The following KCNH5 variants were observed in gnomAD, a reference collection of about 807,000 sequenced individuals.
KCNH5 encodes the protein potassium voltage-gated channel subfamily H member 5.
KCNH5 carries 46 observed loss-of-function variants against 96.1 expected under a neutral mutation model. That is an observed-to-expected ratio of 0.48 (90% CI 0.38 to 0.61). The LOEUF (loss-of-function observed/expected upper bound fraction) is 0.61. KCNH5 is among the 20% of genes least tolerant of loss of function. KCNH5 has a pLI of 0.00. For missense variants in KCNH5, 907 were observed against 1,225.8 expected, an observed-to-expected ratio of 0.74 and a Z score of 3.88; for synonymous variants, 439 against 449.8, an observed-to-expected ratio of 0.98 and a Z score of 0.30.
intron 9 of KCNH5, among the ~76,000 whole-genome samples, chr14:62,798,446 C>T (rs1266861175): frequency 6.6e-6 from 1 of 152,096 alleles, no homozygotes; most frequent in African/African-American, 2.4e-5. Context: ...AATCTGTTCA[C>T]ATTAAGTAAT....
chr14:62,732,314 T>A (rs577763134), intron 10 of KCNH5, among the ~76,000 whole-genome samples: 6 of 152,266 alleles, frequency 3.9e-5, no homozygotes, highest in African/African-American at 1.4e-4. Context: ...AAATAAAATT[T>A]TCTTCCTTCT....
chr14:62,736,786 G>A (rs537812609), intron 10 of KCNH5, among the ~76,000 whole-genome samples: 2 of 152,254 alleles, frequency 1.3e-5, no homozygotes, highest in Non-Finnish European at 2.9e-5. Context: ...TTTATCTAAA[G>A]TAAACCTGTC....
At chr14:63,041,330 G>A (rs1891820605) in intron 1 of KCNH5, among the ~76,000 whole-genome samples, 1 of 152,068 alleles carries the variant, frequency 6.6e-6, no homozygotes, top group East Asian at 1.9e-4. Context: ...TTAATAGTTT[G>A]CATAAATAAT....
At chr14:62,990,138 A>T (rs1040700800) in intron 4 of KCNH5, among the ~76,000 whole-genome samples, 2 of 152,118 alleles carry the variant, frequency 1.3e-5, no homozygotes, top group Non-Finnish European at 2.9e-5. Context: ...TTTGAAAAAA[A>T]AAGGAGACAT....
At chr14:62,890,273 C>T (rs1430909271) in intron 7 of KCNH5, among the ~76,000 whole-genome samples, 1 of 152,056 alleles carries the variant, frequency 6.6e-6, no homozygotes, top group Non-Finnish European at 1.5e-5. Flanking sequence ...GCAAAAGAAA[C>T]CATCAATAGA....
At chr14:62,972,702 T>C (rs1179496295) in intron 6 of KCNH5, among the ~76,000 whole-genome samples, 1 of 151,968 alleles carries the variant, frequency 6.6e-6, no homozygotes, top group Non-Finnish European at 1.5e-5. Flanking sequence ...TATCAAGCCT[T>C]GAAAAAACAC....
At chr14:62,734,173 C>G (rs553624029) in intron 10 of KCNH5, among the ~76,000 whole-genome samples, 11 of 152,264 alleles carry the variant, frequency 7.2e-5, no homozygotes, top group South Asian at 2.1e-4. Flanking sequence ...TCCCCACCCC[C>G]CAACATATCT....
At chr14:62,716,532 T>C (rs1356132214) in intron 10 of KCNH5, among the ~76,000 whole-genome samples, 2 of 152,150 alleles carry the variant, frequency 1.3e-5, no homozygotes, top group African/African-American at 2.4e-5. Context: ...GTATTCATGA[T>C]ATTTGCATAT....
chr14:62,902,812 A>G (rs1405556895), intron 7 of KCNH5, among the ~76,000 whole-genome samples: 1 of 151,022 alleles, frequency 6.6e-6, no homozygotes, highest in Non-Finnish European at 1.5e-5. Flanking sequence ...CTCTACCTCC[A>G]GGGTTCAAGC....
chr14:62,980,832 A>G, intron 6 of KCNH5, 40 bp downstream of exon 6: 1 of 1,587,576 alleles, frequency 6.3e-7, no homozygotes, highest in Non-Finnish European at 8.5e-7. Context: ...TTCAAAATAT[A>G]TGACCCACAG....
At chr14:62,900,556 A>G (rs753051209) in intron 7 of KCNH5, among the ~76,000 whole-genome samples, 5 of 152,184 alleles carry the variant, frequency 3.3e-5, no homozygotes, top group Non-Finnish European at 7.4e-5. Flanking sequence ...GAAGATGATT[A>G]TGGTACCACA....
chr14:62,914,504 T>C (rs1889235153), intron 7 of KCNH5, among the ~76,000 whole-genome samples: 1 of 152,250 alleles, frequency 6.6e-6, no homozygotes, highest in South Asian at 2.1e-4. Flanking sequence ...AATCATTTTT[T>C]ATAAATGATC....
At chr14:62,820,650 T>G (rs1178309144) in intron 8 of KCNH5, among the ~76,000 whole-genome samples, 1 of 152,158 alleles carries the variant, frequency 6.6e-6, no homozygotes, top group African/African-American at 2.4e-5. Context: ...TCCATCTATG[T>G]CCTTGAAAAC....
intron 6 of KCNH5, among the ~76,000 whole-genome samples, chr14:62,955,284 C>T (rs982894082): frequency 6.6e-6 from 1 of 152,100 alleles, no homozygotes; most frequent in African/African-American, 2.4e-5. Context: ...AACAGGATTT[C>T]AATGGGCCTG....
chr14:62,912,196 A>G (rs1234753578), intron 7 of KCNH5, among the ~76,000 whole-genome samples: 1 of 152,128 alleles, frequency 6.6e-6, no homozygotes, highest in Non-Finnish European at 1.5e-5. Flanking sequence ...AATGAAATGC[A>G]TTAATATGTC....
At chr14:62,837,050 A>C (rs972199909) in intron 8 of KCNH5, among the ~76,000 whole-genome samples, 1 of 152,206 alleles carries the variant, frequency 6.6e-6, no homozygotes, top group Non-Finnish European at 1.5e-5. Flanking sequence ...TGTGATCATT[A>C]CAGGAACTCA....
chr14:63,028,073 A>G (rs1891558583), intron 1 of KCNH5, among the ~76,000 whole-genome samples: 1 of 152,088 alleles, frequency 6.6e-6, no homozygotes, highest in South Asian at 2.1e-4. Context: ...CAATTTTAAA[A>G]GCATGCTTTA....
At chr14:62,968,743 G>C (rs1368625525) in intron 6 of KCNH5, among the ~76,000 whole-genome samples, 2 of 152,180 alleles carry the variant, frequency 1.3e-5, no homozygotes, top group East Asian at 3.8e-4. Flanking sequence ...CTGGCAATTA[G>C]ATGTCAGGCA....
intron 7 of KCNH5, among the ~76,000 whole-genome samples, chr14:62,947,910 C>A (rs1027518165): frequency 7.2e-5 from 11 of 151,930 alleles, no homozygotes; most frequent in Non-Finnish European, 1.6e-4. Context: ...ATGTGCCATG[C>A]TGGTGTGTTG....
Sources: gnomAD v4.1 joint callset for allele counts (sites outside exome capture counted in the v4.1 genomes callset) on GRCh38, gnomAD v4.1.1 for gene constraint, MANE v1.5 for transcripts, NCBI Gene and HGNC (gene_info 2026-07-23, HGNC 2026-07-21) for gene names.